The following NME7 variants were observed in gnomAD, a reference collection of about 807,000 sequenced individuals.
The protein encoded by NME7 is nucleoside diphosphate kinase 7.
NME7 carries 41 observed loss-of-function variants against 49.1 expected under a neutral mutation model. The ratio of observed to expected loss-of-function variants is 0.83; its 90% CI spans 0.65 to 1.08. NME7 has a LOEUF of 1.08. Among genes scored for constraint, NME7 ranks in the 50% least tolerant of loss-of-function variants. The pLI, the probability that NME7 is intolerant of heterozygous loss-of-function variation, is 0.00. For missense variants in NME7, 423 were observed against 463.4 expected, an observed-to-expected ratio of 0.91 and a Z score of 0.80; for synonymous variants, 139 against 150.6, an observed-to-expected ratio of 0.92 and a Z score of 0.56.
intron 7 of NME7, among the ~76,000 whole-genome samples, chr1:169,278,119 A>G (rs1490772140): frequency 6.6e-6 from 1 of 150,584 alleles, no homozygotes; most frequent in Non-Finnish European, 1.5e-5. Context: ...TGCCCTTAAC[A>G]TTTTTTCCTT....
intron 7 of NME7, among the ~76,000 whole-genome samples, chr1:169,260,443 T>A (rs1649123450): frequency 7.5e-6 from 1 of 132,704 alleles, no homozygotes; most frequent in South Asian, 2.3e-4. Flanking sequence ...GTAACTTGAA[T>A]CATTTTTTCA....
chr1:169,347,986 T>C (rs1653006252), intron 1 of NME7, among the ~76,000 whole-genome samples: 1 of 152,214 alleles, frequency 6.6e-6, no homozygotes, highest in South Asian at 2.1e-4. Flanking sequence ...TGCAAATTAC[T>C]ACTATTCTGC....
chr1:169,153,801 A>T (rs910636131), intron 11 of NME7, among the ~76,000 whole-genome samples: 2 of 151,758 alleles, frequency 1.3e-5, no homozygotes, highest in African/African-American at 4.8e-5. Context: ...CAGCCTCAAG[A>T]GATCCTACCA....
intron 11 of NME7, among the ~76,000 whole-genome samples, chr1:169,160,997 T>A (rs558015024): frequency 1.3e-5 from 2 of 152,312 alleles, no homozygotes; most frequent in African/African-American, 4.8e-5. Flanking sequence ...CCCCCTAGAC[T>A]CCACCCACTT....
chr1:169,178,314 T>C (rs1200086), intron 10 of NME7, among the ~76,000 whole-genome samples: 3,150 of 152,242 alleles, frequency 0.021, 122 homozygotes, highest in African/African-American at 0.072. Context: ...ATTCTTGCGA[T>C]GTGGAAGTCC....
intron 6 of NME7, 27 bp downstream of exon 6, chr1:169,298,529 C>A (rs2101906580): frequency 6.2e-7 from 1 of 1,601,146 alleles, no homozygotes; most frequent in Non-Finnish European, 8.5e-7. Context: ...ACTAGAAGAG[C>A]ATTAAAATAT....
chr1:169,301,908 T>C (rs1266880501), intron 5 of NME7: 7 of 152,076 alleles, frequency 4.6e-5, no homozygotes, highest in Admixed American at 4.6e-4. Flanking sequence ...ATAGACACTG[T>C]GGACTACTAG....
chr1:169,323,713 CAATTT>C (rs1373470632), intron 2 of NME7, among the ~76,000 whole-genome samples: 2 of 151,990 alleles, frequency 1.3e-5, no homozygotes, highest in East Asian at 3.9e-4. Context: ...TGAGCCTCTT[CAATTT>C]GACTTTTTGT....
intron 7 of NME7, among the ~76,000 whole-genome samples, chr1:169,269,158 ATAAAT>A: frequency 7.5e-6 from 1 of 133,330 alleles, no homozygotes; most frequent in Non-Finnish European, 1.8e-5. Context: ...TTCTAAATCA[ATAAAT>A]CACCAGTTTT....
intron 3 of NME7, among the ~76,000 whole-genome samples, chr1:169,317,992 TCTC>T (rs1450473214): frequency 2.0e-5 from 3 of 152,140 alleles, no homozygotes; most frequent in African/African-American, 7.2e-5. Flanking sequence ...AGCGTATTGT[TCTC>T]CTGCTTTCAC....
At chr1:169,191,856 A>G (rs1660241048) in intron 10 of NME7, among the ~76,000 whole-genome samples, 1 of 152,108 alleles carries the variant, frequency 6.6e-6, no homozygotes, top group African/African-American at 2.4e-5. Flanking sequence ...ATCAATAAAC[A>G]TTTGCTGAAG....
At chr1:169,311,144 C>T (rs992743640) in intron 3 of NME7, among the ~76,000 whole-genome samples, 1 of 151,938 alleles carries the variant, frequency 6.6e-6, no homozygotes, top group Admixed American at 6.6e-5. Context: ...CCTGGCCGGG[C>T]GCGGTGGCTC....
chr1:169,171,140 T>C (rs896476184), intron 10 of NME7, among the ~76,000 whole-genome samples: 1 of 152,166 alleles, frequency 6.6e-6, no homozygotes, highest in Non-Finnish European at 1.5e-5. Context: ...GGCTCATACC[T>C]ATAATCGGCA....
intron 5 of NME7, chr1:169,302,249 T>C (rs1292483830): frequency 6.6e-6 from 1 of 152,116 alleles, no homozygotes; most frequent in Admixed American, 6.6e-5. Context: ...TAAATCCCAT[T>C]ACTGCTATAT....
In NME7 at chr1:169,355,050, ATATAATATACTATATAT is replaced by A. The variant is rs1189685535; in HGVS notation, c.3+12641_3+12657del. ...ATATATTATATATTATAGATATAAT[ATATAATATACTATATAT>A]TATAGATATAATATATAATATACTA... On this transcript the variant is annotated intron_variant, in intron 1 of 11. Transcript: ENST00000367811. Among the ~76,000 whole-genome samples, 16 of 78,964 alleles carry A rather than the reference ATATAATATACTATATAT, an allele frequency of 2.0e-4. 1 individual carries two copies. The highest frequency in any genetic ancestry group is 8.2e-4 in the African/African-American group (16 of 19,400). 51.8% of individuals were successfully genotyped at this position (78,964 alleles called of 152,430 possible).
At chr1:169,362,564 A>G (rs2176473) in intron 1 of NME7, among the ~76,000 whole-genome samples, 98,468 of 152,042 alleles carry the variant, frequency 0.65, 32,151 homozygotes, top group East Asian at 0.93. Context: ...AGCCTCAACT[A>G]TAACAAACTA....
chr1:169,162,320 C>T (rs990642044), intron 11 of NME7, among the ~76,000 whole-genome samples: 1 of 151,892 alleles, frequency 6.6e-6, no homozygotes, highest in African/African-American at 2.4e-5. Context: ...TAAACTTATA[C>T]ATACAATTAA....
At chr1:169,203,754 G>C (rs1334850336) in intron 10 of NME7, among the ~76,000 whole-genome samples, 8 of 152,122 alleles carry the variant, frequency 5.3e-5, no homozygotes, top group Non-Finnish European at 1.2e-4. Flanking sequence ...AAAATGGCTA[G>C]TTTCTCTTTA....
chr1:169,229,541 T>C (rs994690660), intron 10 of NME7, among the ~76,000 whole-genome samples: 2 of 152,256 alleles, frequency 1.3e-5, no homozygotes, highest in African/African-American at 4.8e-5. Context: ...AAGATCTTTA[T>C]GTATATACTT....
Sources: gnomAD v4.1 joint callset for allele counts (sites outside exome capture counted in the v4.1 genomes callset) on GRCh38, gnomAD v4.1.1 for gene constraint, MANE v1.5 for transcripts, NCBI Gene and HGNC (gene_info 2026-07-23, HGNC 2026-07-21) for gene names.